GALNT17: variants seen among roughly 807,000 people sequenced by gnomAD.
GALNT17 encodes UDP-GalNAc:polypeptide N-acetylgalactosaminyltransferase-like 3.
In GALNT17, 29 loss-of-function variants were observed where a neutral mutation model predicts 63.7. The observed-to-expected ratio is 0.46, with a 90% confidence interval of 0.34 to 0.62. The LOEUF (loss-of-function observed/expected upper bound fraction) is 0.62, where lower values mean the gene tolerates loss of function less well. Among genes scored for constraint, GALNT17 ranks in the 20% least tolerant of loss-of-function variants. The probability of loss-of-function intolerance (pLI) is 0.01; values close to 1 mark genes in which losing one functional copy is unlikely to be tolerated. For synonymous variants in GALNT17, 305 were observed against 318.3 expected, an observed-to-expected ratio of 0.96 and a Z score of 0.45; for missense variants, 603 against 799.6, an observed-to-expected ratio of 0.75 and a Z score of 2.97.
intron 5 of GALNT17, among the ~76,000 whole-genome samples, chr7:71,457,644 G>A (rs1205955882): frequency 3.9e-5 from 6 of 152,150 alleles, no homozygotes; most frequent in Admixed American, 3.9e-4. Context: ...CATTACCATG[G>A]CATTTGTAAA....
At chr7:71,239,106 G>GTTC (rs1315464364) in intron 1 of GALNT17, among the ~76,000 whole-genome samples, 1 of 152,206 alleles carries the variant, frequency 6.6e-6, no homozygotes, top group Non-Finnish European at 1.5e-5. Flanking sequence ...GACACCTTGA[G>GTTC]TCAGAGGCAC....
intron 1 of GALNT17, among the ~76,000 whole-genome samples, chr7:71,175,905 A>G (rs1274018458): frequency 4.6e-5 from 7 of 152,158 alleles, no homozygotes; most frequent in African/African-American, 7.2e-5. Context: ...TATCTCAAAA[A>G]AAGAGACAAT....
intron 1 of GALNT17, among the ~76,000 whole-genome samples, chr7:71,217,943 CAAT>C (rs1789516231): frequency 6.9e-6 from 1 of 145,676 alleles, no homozygotes; most frequent in Admixed American, 6.9e-5. Context: ...AAAAAAAATT[CAAT>C]AATAGGGAAA....
chr7:71,547,970 G>A (rs1024542165), intron 5 of GALNT17, among the ~76,000 whole-genome samples: 2 of 152,134 alleles, frequency 1.3e-5, no homozygotes, highest in African/African-American at 4.8e-5. Context: ...GCTCTTGCCT[G>A]TAATCCTAGC....
chr7:71,297,759 G>A (rs1339592058), intron 1 of GALNT17, among the ~76,000 whole-genome samples: 1 of 152,200 alleles, frequency 6.6e-6, no homozygotes, highest in Non-Finnish European at 1.5e-5. Context: ...CAGTAAAAAG[G>A]AATGAACTAC....
chr7:71,450,837 G>A (rs7794574), intron 5 of GALNT17, among the ~76,000 whole-genome samples: 23,199 of 152,064 alleles, frequency 0.15, 1,831 homozygotes, highest in Middle Eastern at 0.22. Context: ...TTTTCTAAGA[G>A]CATTATATAA....
chr7:71,358,210 C>T (rs1014980148), intron 2 of GALNT17, among the ~76,000 whole-genome samples: 3 of 152,118 alleles, frequency 2.0e-5, no homozygotes, highest in South Asian at 2.1e-4. Flanking sequence ...GAACCAACTG[C>T]GGACACAAAA....
chr7:71,712,213 A>G lies in GALNT17; in HGVS notation c.*67A>G. On this transcript the variant is annotated 3_prime_UTR_variant, in exon 11 of 11. Coordinates refer to ENST00000333538, the MANE Select transcript of GALNT17 (RefSeq NM_022479.3). ...GGCTGCTCCCCCCAACATCTGGACC[A>G]GCTGCCCTGGCGGAGAGACAGCAAG... 1 of 1,568,550 alleles carries G rather than the reference A, an allele frequency of 6.4e-7. No individual in the cohort carries two copies. Among genetic ancestry groups the G allele is most frequent in the East Asian group, 2.3e-5 (1 of 43,616 alleles).
chr7:71,508,969 C>A (rs188441571), intron 5 of GALNT17, among the ~76,000 whole-genome samples: 1 of 152,092 alleles, frequency 6.6e-6, no homozygotes, highest in Non-Finnish European at 1.5e-5. Context: ...CGTGTGTCTG[C>A]GTACATACAG....
At chr7:71,200,037 T>G (rs1199941829) in intron 1 of GALNT17, among the ~76,000 whole-genome samples, 1 of 152,214 alleles carries the variant, frequency 6.6e-6, no homozygotes, top group African/African-American at 2.4e-5. Context: ...CAGAAAATGT[T>G]TTGAGAAATC....
chr7:71,531,253 C>T (rs1399555361), intron 5 of GALNT17, among the ~76,000 whole-genome samples: 1 of 150,132 alleles, frequency 6.7e-6, no homozygotes. Context: ...ATAGTAAAAG[C>T]AAAAAAAAAG....
chr7:71,553,035 T>A (rs1245669036), intron 5 of GALNT17, among the ~76,000 whole-genome samples: 1 of 152,100 alleles, frequency 6.6e-6, no homozygotes, highest in Admixed American at 6.6e-5. Flanking sequence ...GATCAAAAAA[T>A]TTTATCCAGG....
chr7:71,154,605 C>G (rs1404515663), intron 1 of GALNT17, among the ~76,000 whole-genome samples: 1 of 152,150 alleles, frequency 6.6e-6, no homozygotes, highest in African/African-American at 2.4e-5. Flanking sequence ...GAGACGGAGT[C>G]TCACTCTGTC....
intron 1 of GALNT17, among the ~76,000 whole-genome samples, chr7:71,175,256 A>T (rs1378141268): frequency 6.6e-6 from 1 of 151,968 alleles, no homozygotes; most frequent in Non-Finnish European, 1.5e-5. Flanking sequence ...CCATCTGTCC[A>T]TCCATCAGTC....
At chr7:71,196,918 T>G (rs992090011) in intron 1 of GALNT17, among the ~76,000 whole-genome samples, 1 of 152,112 alleles carries the variant, frequency 6.6e-6, no homozygotes, top group African/African-American at 2.4e-5. Flanking sequence ...CCTCCCAAAG[T>G]GCTGGGATTA....
chr7:71,309,931 G>A (rs1446327528), intron 1 of GALNT17, among the ~76,000 whole-genome samples: 1 of 152,176 alleles, frequency 6.6e-6, no homozygotes, highest in Non-Finnish European at 1.5e-5. Flanking sequence ...GAGGGACTTG[G>A]TGGGAGGTAA....
intron 6 of GALNT17, among the ~76,000 whole-genome samples, chr7:71,624,023 C>T (rs1000111052): frequency 6.6e-6 from 1 of 152,196 alleles, no homozygotes; most frequent in African/African-American, 2.4e-5. Context: ...AGGACAAGGC[C>T]TGTCACAGAC....
chr7:71,309,883 C>G (rs772421232), intron 1 of GALNT17, among the ~76,000 whole-genome samples: 7 of 152,108 alleles, frequency 4.6e-5, no homozygotes, highest in Non-Finnish European at 4.4e-5. Flanking sequence ...TGGCTATGTC[C>G]CCACCCAGAT....
intron 1 of GALNT17, among the ~76,000 whole-genome samples, chr7:71,320,208 C>T (rs748463900): frequency 3.9e-5 from 6 of 152,008 alleles, no homozygotes; most frequent in Non-Finnish European, 2.9e-5. Context: ...TCTGCATTTG[C>T]TGAACAAAAA....
Sources: gnomAD v4.1 joint callset for allele counts (sites outside exome capture counted in the v4.1 genomes callset) on GRCh38, gnomAD v4.1.1 for gene constraint, MANE v1.5 for transcripts, NCBI Gene and HGNC (gene_info 2026-07-23, HGNC 2026-07-21) for gene names.